Variants in PUDP observed in about 807,000 individuals in gnomAD.
PUDP encodes pseudouridine 5'-phosphatase.
A neutral mutation model predicts 9.4 loss-of-function variants in PUDP; 8 were observed. The observed-to-expected ratio is 0.85, with a 90% CI of 0.50 to 1.53. The LOEUF is 1.53. PUDP is among the 40% of genes most tolerant of loss of function. The probability of loss-of-function intolerance (pLI) is 0.00; values close to 1 mark genes in which losing one functional copy is unlikely to be tolerated. For synonymous variants in PUDP, 99 were observed against 80.7 expected (o/e 1.23, Z -1.22); for missense variants, 188 against 189.7 (o/e 0.99, Z 0.05).
intron 3 of PUDP, among the ~76,000 whole-genome samples, chrX:7,054,455 T>C (rs1930185793): frequency 9.0e-6 from 1 of 110,662 alleles, no homozygotes; most frequent in African/African-American, 3.3e-5. Flanking sequence ...AATAAGCTTA[T>C]GCAACAGAAG....
intron 1 of PUDP, among the ~76,000 whole-genome samples, chrX:7,143,246 T>C (rs895066632): frequency 1.8e-5 from 2 of 111,747 alleles, no homozygotes; most frequent in African/African-American, 6.5e-5. Context: ...CCTAACCTTA[T>C]GTGTACTGGG....
chrX:7,035,695 G>A (rs1929843954), intron 1 of PUDP, among the ~76,000 whole-genome samples: 1 of 111,929 alleles, frequency 8.9e-6, no homozygotes, highest in South Asian at 3.7e-4. Flanking sequence ...TGAGTTGTAT[G>A]TTTGTACATA....
At chrX:6,938,481 T>G (rs1341496244) in intron 3 of PUDP, among the ~76,000 whole-genome samples, 2 of 67,915 alleles carry the variant, frequency 2.9e-5, no homozygotes, top group African/African-American at 5.7e-5. Context: ...TGGGGACTGT[T>G]GTGGGGTCGG....
downstream of PUDP, among the ~76,000 whole-genome samples, chrX:7,046,600 A>C (rs1470621422): frequency 4.4e-5 from 5 of 112,555 alleles, no homozygotes; most frequent in Non-Finnish European, 1.9e-5. Context: ...CTTTATATTT[A>C]TCTATTTATT....
At chrX:6,995,893 C>T (rs1170553576) in intron 1 of PUDP, among the ~76,000 whole-genome samples, 1 of 107,339 alleles carries the variant, frequency 9.3e-6, no homozygotes, top group Admixed American at 1.0e-4. Context: ...CAAGCCCTTT[C>T]TTCCTCAGGG....
chrX:6,794,501 C>T (rs1004735694), intron 3 of PUDP, among the ~76,000 whole-genome samples: 1 of 111,441 alleles, frequency 9.0e-6, no homozygotes, highest in Non-Finnish European at 1.9e-5. Context: ...CTGTGAACTA[C>T]TACAGACTTT....
intron 1 of PUDP, among the ~76,000 whole-genome samples, chrX:7,122,138 T>C (rs767145637): frequency 4.6e-4 from 51 of 110,585 alleles, no homozygotes; most frequent in Non-Finnish European, 8.3e-4. Context: ...CAGTCAGCTA[T>C]GGTTGCACCA....
In PUDP at chrX:7,120,951, C is replaced by T. The variant is rs192129949; in HGVS notation, c.62-15113G>A. ...GGAAATCTTTAATTTCAGAAGCAGA[C>T]CAGTGGTTCCTTTGGCATGGGGTCA... On this transcript the variant is annotated intron_variant, in intron 1 of 3. Transcript: ENST00000381077. 2.1e-3 allele frequency among the ~76,000 whole-genome samples: 230 copies of T among 111,792 alleles called. 1 individual carries two copies. Among genetic ancestry groups the T allele is most frequent in the Middle Eastern group, 0.014 (3 of 215 alleles).
At chrX:7,038,924 T>C (rs1209155629) in intron 1 of PUDP, among the ~76,000 whole-genome samples, 1 of 111,333 alleles carries the variant, frequency 9.0e-6, no homozygotes, top group African/African-American at 3.3e-5. Flanking sequence ...ATGGGGTCTA[T>C]TTCTGTATTT....
At chrX:7,055,249 CTTT>C (rs747189169) in intron 3 of PUDP, among the ~76,000 whole-genome samples, 2 of 109,515 alleles carry the variant, frequency 1.8e-5, no homozygotes, top group African/African-American at 3.3e-5. Context: ...TATTTATTTT[CTTT>C]TTTTTTTGTT....
intron 1 of PUDP, among the ~76,000 whole-genome samples, chrX:7,145,104 G>A (rs1375422239): frequency 4.5e-5 from 5 of 111,753 alleles, no homozygotes; most frequent in African/African-American, 1.6e-4. Flanking sequence ...ACTAAGATGT[G>A]TTGTATGTAT....
intron 3 of PUDP, among the ~76,000 whole-genome samples, chrX:6,869,826 C>T (rs998330365): frequency 2.9e-4 from 32 of 110,509 alleles, no homozygotes; most frequent in African/African-American, 2.6e-4. Flanking sequence ...TAAAATGGTG[C>T]GGCTCTTATG....
At chrX:7,014,624 T>A (rs1929523041) in intron 1 of PUDP, among the ~76,000 whole-genome samples, 1 of 111,886 alleles carries the variant, frequency 8.9e-6, no homozygotes, top group Non-Finnish European at 1.9e-5. Flanking sequence ...AGGGTTATAT[T>A]TTCAGTAACT....
At chrX:6,749,826 G>A (rs1008540070) in intron 3 of PUDP, among the ~76,000 whole-genome samples, 8 of 111,568 alleles carry the variant, frequency 7.2e-5, no homozygotes, top group East Asian at 5.7e-4. Context: ...CCTCTCATGC[G>A]ACCGTGAAAA....
At chrX:6,959,099 C>T (rs1356761786) in intron 3 of PUDP, among the ~76,000 whole-genome samples, 1 of 111,781 alleles carries the variant, frequency 8.9e-6, no homozygotes, top group Non-Finnish European at 1.9e-5. Flanking sequence ...AGAGCATTTT[C>T]AAGAGAGGAA....
At chrX:7,055,598 A>G (rs190539738) in intron 3 of PUDP, among the ~76,000 whole-genome samples, 54 of 111,131 alleles carry the variant, frequency 4.9e-4, no homozygotes, top group African/African-American at 1.7e-3. Flanking sequence ...TTACACCCAA[A>G]GATCTAATGC....
chrX:7,087,133 C>A (rs1286966343), intron 2 of PUDP, among the ~76,000 whole-genome samples: 1 of 111,655 alleles, frequency 9.0e-6, no homozygotes, highest in East Asian at 2.8e-4. Context: ...GGGAATAGGA[C>A]CTTAGTTGGA....
chrX:7,069,443 G>A (rs183827564), intron 3 of PUDP, among the ~76,000 whole-genome samples: 347 of 110,608 alleles, frequency 3.1e-3, no homozygotes, highest in Non-Finnish European at 5.0e-3. Flanking sequence ...ACCAGGGGCC[G>A]GGCACCTCAG....
rs144718878 is a variant in PUDP at position 6,771,529 on chromosome X, G to A, written c.*248-65063C>T. Among the ~76,000 whole-genome samples, 710 of 112,153 alleles carry A rather than the reference G, an allele frequency of 6.3e-3. 29 individuals are homozygous for A. In the East Asian group the frequency reaches 0.15, roughly 23 times the overall value. On this transcript the variant is annotated intron_variant and NMD_transcript_variant, in intron 3 of 3. Coordinates refer to the PUDP transcript ENST00000655425. Reference sequence around the variant, plus strand: ...TTAGACCATTTTAAAGGCAAGAACAGTTTTCCTCATCTTCCTAACCCTCAC... The same window carrying A: ...TTAGACCATTTTAAAGGCAAGAACAATTTTCCTCATCTTCCTAACCCTCAC...
Sources: gnomAD v4.1 joint callset for allele counts (sites outside exome capture counted in the v4.1 genomes callset) on GRCh38, gnomAD v4.1.1 for gene constraint, MANE v1.5 for transcripts, NCBI Gene and HGNC (gene_info 2026-07-23, HGNC 2026-07-21) for gene names.